Variants in KANK4 observed in about 807,000 individuals in gnomAD.
KANK4 encodes KN motif and ankyrin repeat domains 4.
A neutral mutation model predicts 80.8 loss-of-function variants in KANK4; 50 were observed. The observed-to-expected ratio is 0.62, with a 90% CI of 0.49 to 0.78. The LOEUF is 0.78. Among genes scored for constraint, KANK4 ranks in the 30% least tolerant of loss-of-function variants. KANK4 has a pLI of 0.00. For missense variants in KANK4, 1,196 were observed against 1,240.1 expected (o/e 0.96, Z 0.53); for synonymous variants, 465 against 506.9 (o/e 0.92, Z 1.11).
chr1:62,249,529 C>T (rs1671559414), intron 8 of KANK4, among the ~76,000 whole-genome samples: 1 of 145,986 alleles, frequency 6.8e-6, no homozygotes, highest in African/African-American at 2.5e-5. Context: ...TAGGCATGTG[C>T]CACTACATCT....
chr1:62,240,610 G>A (rs528158350), intron 9 of KANK4, among the ~76,000 whole-genome samples: 91 of 152,056 alleles, frequency 6.0e-4, no homozygotes, highest in Admixed American at 1.1e-3. Flanking sequence ...CAGAGGTTGC[G>A]GTGAGACAAG....
At chr1:62,289,784 A>G (rs1287217710) in intron 1 of KANK4, among the ~76,000 whole-genome samples, 1 of 152,236 alleles carries the variant, frequency 6.6e-6, no homozygotes, top group Admixed American at 6.5e-5. Flanking sequence ...ACCTGGCTAC[A>G]GCAATTTTCA....
rs567783536 is a variant in KANK4 at position 62,319,339 on chromosome 1, C to T, written c.-304G>A. On this transcript the variant is annotated 5_prime_UTR_variant, in exon 1 of 10. Transcript: ENST00000371153. ...GGCGCACCCCTGCGGGCACACCCAC[C>T]GCGGCGGATGCGGGACTGGCCAGGC... 6.6e-6 allele frequency: 1 copy of T among 152,076 alleles called. No individual in the cohort carries two copies. Among genetic ancestry groups the T allele is most frequent in the Admixed American group, 6.5e-5 (1 of 15,276 alleles). 9.4% of individuals were successfully genotyped at this position (152,076 alleles called of 1,614,324 possible). A position where few individuals can be genotyped will look rare whatever the true frequency, so the allele number is the denominator to read the frequency against.
chr1:62,263,306 T>C lies in KANK4; in HGVS notation c.2325A>G (p.Gln775=), dbSNP rs750303142. 7 of 1,612,768 alleles carry C rather than the reference T, an allele frequency of 4.3e-6. No individual in the cohort carries two copies. The East Asian group carries it at 1.6e-4, about 36-fold the overall frequency. Reference sequence around the variant, plus strand: ...ACTCTTGACTGATGGTGTTCAAGCTTTGCCTCTGAAACCCCAAAAAAGACC... The same window carrying C: ...ACTCTTGACTGATGGTGTTCAAGCTCTGCCTCTGAAACCCCAAAAAAGACC... ...TGTTTDQLLR[Q]SLNTISQEWF... Residue 775 remains glutamine, a synonymous_variant, in exon 7 of 10, where the codon CAA becomes CAG. Coordinates refer to ENST00000371153, the MANE Select transcript of KANK4 (RefSeq NM_181712.5).
intron 2 of KANK4, among the ~76,000 whole-genome samples, chr1:62,280,489 A>G (rs1394347384): frequency 1.3e-5 from 2 of 152,242 alleles, no homozygotes; most frequent in African/African-American, 4.8e-5. Context: ...TGGGAACTGC[A>G]TTTGGAAGAA....
intron 1 of KANK4, among the ~76,000 whole-genome samples, chr1:62,291,115 C>T (rs984155543): frequency 3.3e-5 from 5 of 152,134 alleles, no homozygotes; most frequent in African/African-American, 1.2e-4. Context: ...TTATAGCCAT[C>T]CTAGTAGGTG....
In KANK4 at chr1:62,274,266, C is replaced by A. The variant is rs1453974977; in HGVS notation, c.838G>T (p.Gly280Cys). 1 of 1,613,880 alleles carries A rather than the reference C, an allele frequency of 6.2e-7. No homozygotes were observed. The highest frequency in any genetic ancestry group is 8.5e-7 in the Non-Finnish European group (1 of 1,179,936). Reference protein sequence around the residue: ...AREAEVLFTPGSPTPSPPPLP... With the variant: ...AREAEVLFTPCSPTPSPPPLP... ...GGTGGCGGGCTTGGCGTAGGGGAGC[C>A]AGGGGTGAACAACACCTCTGCTTCT... is the stretch of plus-strand genomic sequence containing the variant. The change falls in exon 3 of 10, where the codon GGC becomes TGC. Residue 280 changes from glycine to cysteine, a missense_variant. By Grantham distance (159) the Gly-to-Cys change is radical. Around this residue, in one of 3 missense-constraint regions of KANK4, gnomAD observed 1,154 missense variants for 1,179.6 expected, o/e 0.98. Coordinates refer to ENST00000371153, the MANE Select transcript of KANK4 (RefSeq NM_181712.5).
intron 9 of KANK4, among the ~76,000 whole-genome samples, chr1:62,241,387 G>C (rs1671338691): frequency 6.6e-6 from 1 of 152,144 alleles, no homozygotes; most frequent in Non-Finnish European, 1.5e-5. Flanking sequence ...CCCGAAGATG[G>C]CACATGGGCT....
rs549395325 is a variant in KANK4 at position 62,264,744 on chromosome 1, C to T, written c.2320-1433G>A. On this transcript the variant is annotated intron_variant, in intron 6 of 9. Coordinates refer to ENST00000371153, the MANE Select transcript of KANK4 (RefSeq NM_181712.5). ...AATAAATCAGAGTATCTCCTTTATC[C>T]ATGGGATCTTCAAGAAAATCTGGAG... 7.1e-4 allele frequency among the ~76,000 whole-genome samples: 108 copies of T among 152,296 alleles called. No individual in the cohort carries two copies. In the South Asian group the frequency reaches 0.012, roughly 17 times the overall value.
chr1:62,294,639 A>C (rs1644345953), intron 1 of KANK4, among the ~76,000 whole-genome samples: 1 of 91,780 alleles, frequency 1.1e-5, no homozygotes, highest in South Asian at 2.7e-4. Context: ...AGTGATCCCC[A>C]GAACCTGGGT....
intron 1 of KANK4, among the ~76,000 whole-genome samples, chr1:62,317,426 CTA>C (rs1644550819): frequency 6.6e-6 from 1 of 152,178 alleles, no homozygotes; most frequent in Non-Finnish European, 1.5e-5. Flanking sequence ...TGCTATTGGT[CTA>C]TCTCTCTCCT....
chr1:62,271,005 AGAAT>A, intron 4 of KANK4, among the ~76,000 whole-genome samples: 1 of 152,344 alleles, frequency 6.6e-6, no homozygotes. Context: ...TCAATTCTAT[AGAAT>A]ATATGAGGTT....
rs1298589724 is a variant in KANK4 at position 62,263,266 on chromosome 1, T to C, written c.2365A>G (p.Ser789Gly). 1.2e-6 allele frequency: 2 copies of C among 1,613,380 alleles called. No individual in the cohort carries two copies. The highest frequency in any genetic ancestry group is 3.3e-5 in the Admixed American group (2 of 59,800). The change falls in exon 7 of 10, where the codon AGC becomes GGC. Residue 789 changes from serine (S) to glycine (G), a missense_variant. Transcript: ENST00000371153. ...TISQEWFRVSSRKSSSPAVVA... is the reference protein window; with the variant it reads ...TISQEWFRVSGRKSSSPAVVA... ...ACGGCGGGGCTAGACGACTTCCGGC[T>C]GGAGACGCGGAACCACTCTTGACTG... is the stretch of plus-strand genomic sequence containing the variant.
At chr1:62,310,286 TG>T (rs1644487798) in intron 1 of KANK4, among the ~76,000 whole-genome samples, 1 of 152,014 alleles carries the variant, frequency 6.6e-6, no homozygotes, top group Admixed American at 6.6e-5. Context: ...TCTAGGTAAG[TG>T]GTAAGGTTTC....
Position 62,253,117 on chromosome 1 carries a change from C to G in KANK4, c.2632G>C (p.Val878Leu), listed in dbSNP as rs747158846. Residue 878 changes from valine to leucine, a missense_variant, in exon 8 of 10, where the codon GTT becomes CTT. Val to Leu is a conservative substitution (Grantham distance 32). Transcript: ENST00000371153. ...CCTTCTCTTAAGAGCTTCCAGACAA[C>G]AGCCATGTCTTCATTGGTCTCTGCG... ...ASAETNEDMA[V>L]VWKLLREGNV... is the part of the protein sequence containing the mutation. 6.8e-6 allele frequency: 11 copies of G among 1,613,910 alleles called. No individual in the cohort carries two copies. Among genetic ancestry groups the G allele is most frequent in the Admixed American group, 1.7e-5 (1 of 59,982 alleles).
Position 62,273,464 on chromosome 1 carries a change from T to C in KANK4, c.1640A>G (p.His547Arg). Residue 547 changes from histidine (H) to arginine (R), a missense_variant, in exon 3 of 10, where the codon CAC (histidine) becomes CGC (arginine). His to Arg is a conservative substitution (Grantham distance 29). This residue lies in a region of KANK4 where 1,154 missense variants were observed against 1,179.6 expected (regional missense o/e 0.98). Coordinates refer to ENST00000371153, the MANE Select transcript of KANK4 (RefSeq NM_181712.5). Reference protein sequence around the residue: ...ETSSNLPGKEHPGRPPSSPTD... With the variant: ...ETSSNLPGKERPGRPPSSPTD... ...TGGCGAGCTTGGTGGCCTTCCCGGG[T>C]GCTCCTTCCCTGGGAGATTGGAACT... 1 of 1,613,916 alleles carries C rather than the reference T, an allele frequency of 6.2e-7. No homozygotes were observed. Among genetic ancestry groups the C allele is most frequent in the South Asian group, 1.1e-5 (1 of 91,014 alleles).
At chr1:62,297,899 T>C (rs74076476) in intron 1 of KANK4, among the ~76,000 whole-genome samples, 3,054 of 152,332 alleles carry the variant, frequency 0.02, 106 homozygotes, top group African/African-American at 0.07. Context: ...TCTTTGCAGA[T>C]GGAACACTCT....
chr1:62,264,771 AAG>A (rs1434054833), intron 6 of KANK4, among the ~76,000 whole-genome samples: 3 of 152,224 alleles, frequency 2.0e-5, no homozygotes, highest in Non-Finnish European at 4.4e-5. Context: ...AATCTGGAGA[AAG>A]ATCCTAATAT....
intron 2 of KANK4, among the ~76,000 whole-genome samples, chr1:62,277,090 A>C (rs997405638): frequency 2.0e-5 from 3 of 152,212 alleles, no homozygotes; most frequent in African/African-American, 7.2e-5. Flanking sequence ...ACCAAGATGA[A>C]TCAGGTTCAG....
Sources: gnomAD v4.1 joint callset for allele counts (sites outside exome capture counted in the v4.1 genomes callset) on GRCh38, gnomAD v4.1.1 for gene constraint, gnomAD v4.1.1 regional missense constraint, MANE v1.5 for transcripts, NCBI Gene and HGNC (gene_info 2026-07-23, HGNC 2026-07-21) for gene names.